Variants in DROSHA observed in about 807,000 individuals in gnomAD.
DROSHA encodes the protein drosha ribonuclease III.
DROSHA carries 56 observed loss-of-function variants against 181.9 expected under a neutral mutation model. The ratio of observed to expected loss-of-function variants is 0.31; its 90% CI spans 0.25 to 0.38. The LOEUF (loss-of-function observed/expected upper bound fraction) is 0.38, where lower values mean the gene tolerates loss of function less well. Among genes scored for constraint, DROSHA ranks in the 10% least tolerant of loss-of-function variants. The pLI is 1.00. For missense variants in DROSHA, 1,218 were observed against 1,743.5 expected (o/e 0.70, Z 5.37); for synonymous variants, 524 against 591.2 (o/e 0.89, Z 1.65).
chr5:31,502,106 T>C (rs1483527653), intron 11 of DROSHA, among the ~76,000 whole-genome samples: 1 of 152,216 alleles, frequency 6.6e-6, no homozygotes, highest in Non-Finnish European at 1.5e-5. Context: ...AAGTGGGCCT[T>C]TTCAGGCTCA....
intron 20 of DROSHA, among the ~76,000 whole-genome samples, chr5:31,460,325 T>C (rs902148680): frequency 1.2e-4 from 19 of 152,328 alleles, no homozygotes; most frequent in African/African-American, 4.3e-4. Context: ...TTACAAGTTA[T>C]AGCACCCACC....
chr5:31,402,896 C>T (rs922696109), intron 35 of DROSHA, among the ~76,000 whole-genome samples: 16 of 152,202 alleles, frequency 1.1e-4, no homozygotes, highest in Non-Finnish European at 1.6e-4. Flanking sequence ...CAATTCTCTG[C>T]CTCTGCCTCC....
chr5:31,519,254 T>C (rs1169919277), intron 6 of DROSHA, among the ~76,000 whole-genome samples: 3 of 152,126 alleles, frequency 2.0e-5, no homozygotes, highest in Non-Finnish European at 4.4e-5. Context: ...CCACCTCAAA[T>C]AGGTCCTCAA....
At chr5:31,454,861 A>G (rs1242235629) in intron 20 of DROSHA, among the ~76,000 whole-genome samples, 2 of 150,548 alleles carry the variant, frequency 1.3e-5, no homozygotes, top group Non-Finnish European at 3.0e-5. Context: ...AATGGCGTGA[A>G]CCCAGGAGGC....
intron 6 of DROSHA, among the ~76,000 whole-genome samples, chr5:31,520,124 T>C (rs1739722655): frequency 6.6e-6 from 1 of 152,148 alleles, no homozygotes; most frequent in Non-Finnish European, 1.5e-5. Flanking sequence ...TTTTCCATTT[T>C]TCGAGTTATT....
At chr5:31,407,763 G>C (rs1434136189) in intron 33 of DROSHA, among the ~76,000 whole-genome samples, 2 of 152,168 alleles carry the variant, frequency 1.3e-5, no homozygotes, top group African/African-American at 4.8e-5. Flanking sequence ...CGCTCCATGG[G>C]ATGAATGTGC....
intron 25 of DROSHA, among the ~76,000 whole-genome samples, chr5:31,432,006 C>T (rs1744236567): frequency 6.6e-6 from 1 of 152,104 alleles, no homozygotes; most frequent in Non-Finnish European, 1.5e-5. Context: ...GACTCTGCTA[C>T]AAGCCCCTGG....
rs186446323 is a variant in DROSHA, at chr5:31,404,904, G to A, written c.3994+773C>T. Among the ~76,000 whole-genome samples, 4 of 152,260 alleles carry A rather than the reference G, an allele frequency of 2.6e-5. No homozygotes were observed. In the East Asian group the frequency reaches 7.7e-4, roughly 29 times the overall value. On this transcript the variant is annotated intron_variant, in intron 35 of 35. Coordinates refer to ENST00000344624, the MANE Select transcript of DROSHA (RefSeq NM_001382508.1). ...CAGCCACTAAGAATGAATTGGAGCT[G>A]TTTTCTATAATCTGCAGGGCTGCTC...
At chr5:31,418,695 G>A (rs1303399956) in intron 30 of DROSHA, among the ~76,000 whole-genome samples, 1 of 152,118 alleles carries the variant, frequency 6.6e-6, no homozygotes, top group Non-Finnish European at 1.5e-5. Flanking sequence ...AAATACTTGA[G>A]GAATAACACT....
intron 13 of DROSHA, 112 bp downstream of exon 13, chr5:31,493,095 G>A: frequency 1.8e-6 from 2 of 1,083,216 alleles, no homozygotes; most frequent in Non-Finnish European, 2.7e-6. Context: ...ACAGAGGGAT[G>A]CAGAGGAAAT....
chr5:31,504,178 C>G (rs1359443034), intron 11 of DROSHA, among the ~76,000 whole-genome samples: 2 of 152,128 alleles, frequency 1.3e-5, no homozygotes, highest in African/African-American at 2.4e-5. Flanking sequence ...GACAGACTAA[C>G]AGAGAGAGAA....
chr5:31,413,358 T>C (rs1010244894), intron 30 of DROSHA, among the ~76,000 whole-genome samples: 1 of 152,174 alleles, frequency 6.6e-6, no homozygotes, highest in Non-Finnish European at 1.5e-5. Flanking sequence ...AGTTTAAATT[T>C]AGAAAATGAG....
chr5:31,521,081 AG>A, intron 6 of DROSHA, 41 bp downstream of exon 6: 1 of 1,599,848 alleles, frequency 6.3e-7, no homozygotes, highest in South Asian at 1.1e-5. Context: ...GAATTCAAGG[AG>A]ATAATCCTAT....
chr5:31,526,692 A>T lies in DROSHA; in HGVS notation c.241T>A (p.Phe81Ile). The change falls in exon 5 of 36, where the codon TTC becomes ATC. Residue 81 changes from phenylalanine (F) to isoleucine (I), a missense_variant. By Grantham distance (21) the Phe-to-Ile change is conservative. Coordinates refer to ENST00000344624, the MANE Select transcript of DROSHA (RefSeq NM_001382508.1). ...FLPPRPDFVPFPPPMPPSAQG... is the reference protein window; with the variant it reads ...FLPPRPDFVPIPPPMPPSAQG... ...GCTGACGGAGGCATGGGTGGGGGGA[A>T]GGGTACAAAGTCTGGTCGTGGAGGG... is the stretch of plus-strand genomic sequence containing the variant. 6.6e-7 allele frequency: 1 copy of T among 1,515,796 alleles called. No individual in the cohort carries two copies. The highest frequency in any genetic ancestry group is 1.3e-5 in the South Asian group (1 of 75,412). 93.9% of individuals were successfully genotyped at this position (1,515,796 alleles called of 1,614,324 possible).
intron 2 of DROSHA, 49 bp from the exon 3 acceptor site, chr5:31,530,973 T>A (rs78051144): frequency 7.6e-6 from 3 of 396,942 alleles, no homozygotes; most frequent in African/African-American, 4.1e-5. Flanking sequence ...ACCAATAGTA[T>A]GTTTCCATGT....
chr5:31,468,575 G>A (rs1245901321), intron 17 of DROSHA, among the ~76,000 whole-genome samples: 7 of 152,072 alleles, frequency 4.6e-5, no homozygotes, highest in African/African-American at 1.7e-4. Flanking sequence ...CTTTTATTAT[G>A]TCCATGTAGG....
intron 30 of DROSHA, 111 bp from the exon 31 acceptor site, chr5:31,410,998 A>G: frequency 1.4e-6 from 2 of 1,477,818 alleles, no homozygotes; most frequent in Non-Finnish European, 1.8e-6. Flanking sequence ...GGACACCAAA[A>G]TAAGTGAGGT....
chr5:31,409,480 C>A lies in DROSHA; in HGVS notation c.3668-148G>T. 1 of 665,876 alleles carries A rather than the reference C, an allele frequency of 1.5e-6. No homozygotes were observed. The highest frequency in any genetic ancestry group is 2.0e-5 in the South Asian group (1 of 50,014). The allele number at this position is 665,876 out of a possible 1,614,324, so 41.2% of individuals were successfully genotyped here. A position where few individuals can be genotyped will look rare whatever the true frequency, so the allele number is the denominator to read the frequency against. ...TTCAGTGCTACCATTTCATCTTCCC[C>A]CACTTTTTATCATTAATATCAGAAG... On this transcript the variant is annotated intron_variant, in intron 31 of 35. Transcript: ENST00000344624. The surrounding 1 kb of genome is among the most constrained non-coding windows in gnomAD (Gnocchi z 4.0).
intron 11 of DROSHA, among the ~76,000 whole-genome samples, chr5:31,495,787 G>T (rs760744043): frequency 1.3e-5 from 2 of 152,228 alleles, no homozygotes; most frequent in African/African-American, 2.4e-5. Flanking sequence ...CACGTCAGTT[G>T]TAAGGAGGGT....
Sources: allele counts gnomAD v4.1 joint callset (sites outside exome capture counted in the v4.1 genomes callset), GRCh38; gene constraint gnomAD v4.1.1; non-coding constraint Gnocchi (gnomAD v3.1); transcripts MANE v1.5; gene names NCBI Gene and HGNC (gene_info 2026-07-23, HGNC 2026-07-21).